MESP2: variants seen among roughly 807,000 people sequenced by gnomAD.
The protein encoded by MESP2 is mesoderm posterior protein 2.
A neutral mutation model predicts 37.8 loss-of-function variants in MESP2; 34 were observed. The ratio of observed to expected loss-of-function variants is 0.90; its 90% CI spans 0.68 to 1.20. The LOEUF (loss-of-function observed/expected upper bound fraction) is 1.20. Among genes scored for constraint, MESP2 ranks in the 50% most tolerant of loss-of-function variants. MESP2 has a pLI of 0.00. For synonymous variants in MESP2, 303 were observed against 251.6 expected, an observed-to-expected ratio of 1.20 and a Z score of -1.93; for missense variants, 646 against 545.3, an observed-to-expected ratio of 1.18 and a Z score of -1.84.
chr15:89,776,647 T>C lies in MESP2; in HGVS notation c.290T>C (p.Leu97Pro). Residue 97 changes from leucine to proline, a missense_variant, in exon 1 of 2, where the codon CTG becomes CCG. By Grantham distance (98) the Leu-to-Pro change is moderately conservative. Coordinates refer to ENST00000341735, the MANE Select transcript of MESP2 (RefSeq NM_001039958.2). ...SEREKLRMRT[L>P]ARALHELRRF... ...CGGGAGAAACTGCGCATGCGCACGC[T>C]GGCCCGCGCCCTGCACGAGTTGCGC... The C allele has an allele frequency of 6.5e-7, 1 of 1,527,886 alleles. No homozygotes were observed. The highest frequency in any genetic ancestry group is 8.7e-7 in the Non-Finnish European group (1 of 1,144,266). The allele number at this position is 1,527,886 out of a possible 1,614,324, so 94.6% of individuals were successfully genotyped here.
intron 1 of MESP2, 128 bp downstream of exon 1, chr15:89,777,409 C>A: frequency 9.1e-7 from 1 of 1,104,072 alleles, no homozygotes; most frequent in Non-Finnish European, 1.3e-6. Flanking sequence ...CCCCCGGCTC[C>A]GTGGGAGAAG....
At position 89,778,353 on chromosome 15, in the gene MESP2, T is replaced by A; in HGVS notation, c.*19T>A. ...CTACTAAATGGCCTCGGCTTCCCTC[T>A]TTCCATCCAGGAATCAGTCCTGTAG... On this transcript the variant is annotated 3_prime_UTR_variant, in exon 2 of 2. Coordinates refer to ENST00000341735, the MANE Select transcript of MESP2 (RefSeq NM_001039958.2). 2 of 1,612,974 alleles carry A rather than the reference T, an allele frequency of 1.2e-6. No homozygotes were observed. The highest frequency in any genetic ancestry group is 1.7e-6 in the Non-Finnish European group (2 of 1,180,014).
At position 89,777,093 on chromosome 15, in the gene MESP2, T is replaced by A. The variant is rs1230554342; in HGVS notation, c.736T>A (p.Trp246Arg). 1.9e-6 allele frequency: 3 copies of A among 1,612,356 alleles called. No homozygotes were observed. The African/African-American group carries it at 4.0e-5, about 22-fold the overall frequency. Residue 246 changes from tryptophan to arginine, a missense_variant, in exon 1 of 2, where the codon TGG becomes AGG. Coordinates refer to ENST00000341735, the MANE Select transcript of MESP2 (RefSeq NM_001039958.2). ...LGRGVHDTDP[W>R]ATPPYCPKIQ... is the part of the protein sequence containing the mutation. ...GAGGGGGGTCCACGACACGGATCCC[T>A]GGGCAACACCCCCTTACTGCCCCAA...
intron 1 of MESP2, among the ~76,000 whole-genome samples, chr15:89,777,581 G>C (rs1968388722): frequency 6.6e-6 from 1 of 152,164 alleles, no homozygotes; most frequent in South Asian, 2.1e-4. Context: ...GGGGAAGGAA[G>C]TCCCAGGGTA....
Position 89,776,867 on chromosome 15 carries a change from C to T in MESP2, c.510C>T (p.Pro170=), listed in dbSNP as rs772573382. 2.1e-6 allele frequency: 3 copies of T among 1,457,114 alleles called. No homozygotes were observed. Among genetic ancestry groups the T allele is most frequent in the South Asian group, 2.9e-5 (2 of 69,742 alleles). 90.3% of individuals were successfully genotyped at this position (1,457,114 alleles called of 1,614,324 possible). The part of the protein sequence containing the change: ...WGCPLCPDRG[P]AEAQTQAEGQ... ...GCCCGCTGTGCCCCGACCGTGGCCC[C>T]GCAGAGGCGCAGACGCAGGCGGAGG... The change falls in exon 1 of 2, where the codon CCC becomes CCT. Residue 170 remains proline, a synonymous_variant. Transcript: ENST00000341735.
Position 89,778,488 on chromosome 15 carries a change from C to A in MESP2, c.*154C>A, listed in dbSNP as rs1364201946. 10 of 1,011,920 alleles carry A rather than the reference C, an allele frequency of 9.9e-6. No homozygotes were observed. The highest frequency in any genetic ancestry group is 1.4e-5 in the South Asian group (1 of 70,080). 62.7% of individuals were successfully genotyped at this position (1,011,920 alleles called of 1,614,324 possible). On this transcript the variant is annotated 3_prime_UTR_variant, in exon 2 of 2. Transcript: ENST00000341735. ...GGGAAGCAGTGTTTGAAATAGATAG[C>A]GGGTACCTTCCCTGGATGGAGTCAG...
chr15:89,776,826 G>T lies in MESP2; in HGVS notation c.469G>T (p.Gly157Trp). The change falls in exon 1 of 2, where the codon GGG (glycine) becomes TGG (tryptophan). Residue 157 changes from glycine (G) to tryptophan (W), a missense_variant. Coordinates refer to ENST00000341735, the MANE Select transcript of MESP2 (RefSeq NM_001039958.2). ...QCRRRQRGDA[G>W]SPWGCPLCPD... ...CCGGCGCAGGCAGCGCGGGGACGCG[G>T]GGTCCCCTTGGGGCTGCCCGCTGTG... The T allele has an allele frequency of 6.8e-7, 1 of 1,460,588 alleles. No individual in the cohort carries two copies. The allele number at this position is 1,460,588 out of a possible 1,614,324, so 90.5% of individuals were successfully genotyped here. A position where few individuals can be genotyped will look rare whatever the true frequency, so the allele number is the denominator to read the frequency against.
At position 89,776,690 on chromosome 15, in the gene MESP2, C is replaced by T. The variant is rs1968368488; in HGVS notation, c.333C>T (p.Ser111=). ...AGTTGCGCCGCTTTCTGCCTCCCTC[C>T]TTGGCGCCGGCCGGCCAGAGCCTGA... ...LHELRRFLPP[S]LAPAGQSLTK... is the part of the protein sequence containing the mutation. Residue 111 remains serine, a synonymous_variant, in exon 1 of 2, where the codon TCC becomes TCT. Coordinates refer to ENST00000341735, the MANE Select transcript of MESP2 (RefSeq NM_001039958.2). 2 of 1,557,246 alleles carry T rather than the reference C, an allele frequency of 1.3e-6. No homozygotes were observed. Among genetic ancestry groups the T allele is most frequent in the African/African-American group, 1.4e-5 (1 of 70,256 alleles).
chr15:89,776,527 C>G lies in MESP2; in HGVS notation c.170C>G (p.Pro57Arg), dbSNP rs1257896833. The G allele has an allele frequency of 3.9e-6, 6 of 1,532,790 alleles. No individual in the cohort carries two copies. The highest frequency in any genetic ancestry group is 4.9e-5 in the East Asian group (2 of 40,562). The allele number at this position is 1,532,790 out of a possible 1,614,324, so 94.9% of individuals were successfully genotyped here. The change falls in exon 1 of 2, where the codon CCG becomes CGG. Residue 57 changes from proline to arginine, a missense_variant. By Grantham distance (103) the Pro-to-Arg change is moderately radical. Transcript: ENST00000341735. The part of the protein sequence containing the change: ...GARGLPQPQP[P>R]SCSSRAAEAA... ...CGCGGACTCCCGCAGCCACAGCCTC[C>G]GAGCTGCAGCTCCCGAGCCGCAGAG...
In MESP2 at chr15:89,778,320, G is replaced by A. The variant is rs1445302596; in HGVS notation, c.1180G>A (p.Gly394Ser). 1.2e-6 allele frequency: 2 copies of A among 1,613,108 alleles called. No homozygotes were observed. Among genetic ancestry groups the A allele is most frequent in the Non-Finnish European group, 1.7e-6 (2 of 1,180,020 alleles). The change falls in exon 2 of 2, where the codon GGC becomes AGC. Residue 394 changes from glycine to serine, a missense_variant. Coordinates refer to ENST00000341735, the MANE Select transcript of MESP2 (RefSeq NM_001039958.2). ...WQEDLEGARL[G>S]IFY ...AGAAGATCTGGAGGGGGCCCGCCTGGGCATCTTCTACTAAATGGCCTCGGC... is the reference window on the plus strand; with the variant it reads ...AGAAGATCTGGAGGGGGCCCGCCTGAGCATCTTCTACTAAATGGCCTCGGC...
intron 1 of MESP2, among the ~76,000 whole-genome samples, chr15:89,777,705 A>T (rs1968389869): frequency 6.6e-6 from 1 of 152,070 alleles, no homozygotes; most frequent in Non-Finnish European, 1.5e-5. Flanking sequence ...AATCATATTA[A>T]CCAAAATTTG....
Position 89,776,627 on chromosome 15 carries a change from G to A in MESP2, c.270G>A (p.Glu90=), listed in dbSNP as rs1286032159. Residue 90 remains glutamate, a synonymous_variant, in exon 1 of 2, where the codon GAG becomes GAA. Coordinates refer to ENST00000341735, the MANE Select transcript of MESP2 (RefSeq NM_001039958.2). ...AGCGGCAGAGCGCCAGCGAGCGGGA[G>A]AAACTGCGCATGCGCACGCTGGCCC... is the stretch of plus-strand genomic sequence containing the variant. ...GGQRQSASER[E]KLRMRTLARA... 2.0e-6 allele frequency: 3 copies of A among 1,524,896 alleles called. No homozygotes were observed. The highest frequency in any genetic ancestry group is 2.0e-5 in the Admixed American group (1 of 49,174). 94.5% of individuals were successfully genotyped at this position (1,524,896 alleles called of 1,614,324 possible).
Position 89,778,501 on chromosome 15 carries a change from T to G in MESP2, c.*167T>G. 1 of 899,440 alleles carries G rather than the reference T, an allele frequency of 1.1e-6. No individual in the cohort carries two copies. The highest frequency in any genetic ancestry group is 1.7e-6 in the Non-Finnish European group (1 of 575,808). 55.7% of individuals were successfully genotyped at this position (899,440 alleles called of 1,614,324 possible). ...TGAAATAGATAGCGGGTACCTTCCC[T>G]GGATGGAGTCAGGGCGGGGGCACTG... On this transcript the variant is annotated 3_prime_UTR_variant, in exon 2 of 2. Coordinates refer to ENST00000341735, the MANE Select transcript of MESP2 (RefSeq NM_001039958.2).
chr15:89,777,161 C>T lies in MESP2; in HGVS notation c.804C>T (p.Asp268=), dbSNP rs1968382736. The change falls in exon 1 of 2, where the codon GAC becomes GAT. Residue 268 remains aspartate (D), a synonymous_variant. Transcript: ENST00000341735. ...PPYSSQGTTS[D]ASLWTPPQGC... ...ATTCGTCCCAAGGGACAACCTCCGACGCGTCTCTTTGGACGCCACCCCAAG... is the reference window on the plus strand; with the variant it reads ...ATTCGTCCCAAGGGACAACCTCCGATGCGTCTCTTTGGACGCCACCCCAAG... 6 of 1,612,990 alleles carry T rather than the reference C, an allele frequency of 3.7e-6. No individual in the cohort carries two copies. Among genetic ancestry groups the T allele is most frequent in the Non-Finnish European group, 5.1e-6 (6 of 1,179,982 alleles).
chr15:89,778,096 C>T lies in MESP2; in HGVS notation c.956C>T (p.Ser319Leu), dbSNP rs1176812653. 6 of 1,613,610 alleles carry T rather than the reference C, an allele frequency of 3.7e-6. No homozygotes were observed. The highest frequency in any genetic ancestry group is 3.3e-5 in the Admixed American group (2 of 60,014). ...GLSVSPEPCL[S>L]LGAPSLLPHP... ...TCTGTGTCTCCAGAGCCCTGTCTGTCGCTGGGAGCTCCATCTCTCCTGCCC... is the reference window on the plus strand; with the variant it reads ...TCTGTGTCTCCAGAGCCCTGTCTGTTGCTGGGAGCTCCATCTCTCCTGCCC... The change falls in exon 2 of 2, where the codon TCG (serine) becomes TTG (leucine). Residue 319 changes from serine to leucine, a missense_variant. By Grantham distance (145) the Ser-to-Leu change is moderately radical. Coordinates refer to ENST00000341735, the MANE Select transcript of MESP2 (RefSeq NM_001039958.2).
chr15:89,777,131 C>T lies in MESP2; in HGVS notation c.774C>T (p.Pro258=). Residue 258 remains proline, a synonymous_variant, in exon 1 of 2, where the codon CCC becomes CCT. Transcript: ENST00000341735. The part of the protein sequence containing the change: ...TPPYCPKIQS[P]PYSSQGTTSD... ...CTTACTGCCCCAAGATACAGTCGCCCCCGTATTCGTCCCAAGGGACAACCT... is the reference window on the plus strand; with the variant it reads ...CTTACTGCCCCAAGATACAGTCGCCTCCGTATTCGTCCCAAGGGACAACCT... The T allele has an allele frequency of 1.2e-6, 2 of 1,613,008 alleles. No homozygotes were observed. The highest frequency in any genetic ancestry group is 4.5e-5 in the East Asian group (2 of 44,864).
rs1372394178 is a variant in MESP2, at chr15:89,778,623, G to C, written c.*289G>C. ...GTCTCCTTTACCCTAAAGGCAGCTG[G>C]GCAGGGACAGGTGGGAGAATGGGTG... On this transcript the variant is annotated 3_prime_UTR_variant, in exon 2 of 2. Coordinates refer to ENST00000341735, the MANE Select transcript of MESP2 (RefSeq NM_001039958.2). 6.4e-6 allele frequency: 3 copies of C among 467,292 alleles called. No individual in the cohort carries two copies. The highest frequency in any genetic ancestry group is 1.2e-5 in the Non-Finnish European group (3 of 255,166). 28.9% of individuals were successfully genotyped at this position (467,292 alleles called of 1,614,324 possible).
In MESP2 at chr15:89,778,368, C is replaced by G. The variant is rs1270460346; in HGVS notation, c.*34C>G. The stretch of plus-strand genomic sequence containing the variant: ...GGCTTCCCTCTTTCCATCCAGGAAT[C>G]AGTCCTGTAGCTTGGGTGCCTCCTT... On this transcript the variant is annotated 3_prime_UTR_variant, in exon 2 of 2. Coordinates refer to ENST00000341735, the MANE Select transcript of MESP2 (RefSeq NM_001039958.2). 1 of 1,612,560 alleles carries G rather than the reference C, an allele frequency of 6.2e-7. No individual in the cohort carries two copies. The highest frequency in any genetic ancestry group is 2.2e-5 in the East Asian group (1 of 44,886).
intron 1 of MESP2, 67 bp downstream of exon 1, chr15:89,777,348 T>TC: frequency 6.8e-7 from 1 of 1,481,090 alleles, no homozygotes; most frequent in Non-Finnish European, 9.0e-7. Flanking sequence ...ACTTTTTCGA[T>TC]CCCAGCTTAT....
Sources: allele counts gnomAD v4.1 joint callset (sites outside exome capture counted in the v4.1 genomes callset), GRCh38; gene constraint gnomAD v4.1.1; transcripts MANE v1.5; gene names NCBI Gene and HGNC (gene_info 2026-07-23, HGNC 2026-07-21).